The following CNTNAP2 variants were observed in gnomAD, a reference collection of about 807,000 sequenced individuals.
CNTNAP2 encodes contactin associated protein 2, also known as contactin-associated protein-like 2.
In CNTNAP2, 98 loss-of-function variants were observed where a neutral mutation model predicts 155.2. That is an observed-to-expected ratio of 0.63 (90% CI 0.54 to 0.75). The LOEUF is 0.75. Among genes scored for constraint, CNTNAP2 ranks in the 30% least tolerant of loss-of-function variants. CNTNAP2 has a pLI of 0.00. For missense variants in CNTNAP2, 1,727 were observed against 1,688.1 expected, an observed-to-expected ratio of 1.02 and a Z score of -0.40; for synonymous variants, 651 against 631.2, an observed-to-expected ratio of 1.03 and a Z score of -0.47.
intron 1 of CNTNAP2, among the ~76,000 whole-genome samples, chr7:146,184,411 G>T (rs1798594136): frequency 6.6e-6 from 1 of 152,144 alleles, no homozygotes; most frequent in Admixed American, 6.5e-5. Flanking sequence ...AAAAGATTGT[G>T]TAATCCTAAA....
chr7:146,432,228 G>A (rs1370746655), intron 1 of CNTNAP2, among the ~76,000 whole-genome samples: 3 of 152,070 alleles, frequency 2.0e-5, no homozygotes, highest in Non-Finnish European at 2.9e-5. Flanking sequence ...AAGGAATGAT[G>A]TGTTTCCTGT....
At chr7:147,788,900 C>CTTTTTTTTTTT (rs11440955) in intron 13 of CNTNAP2, among the ~76,000 whole-genome samples, 5 of 100,748 alleles carry the variant, frequency 5.0e-5, no homozygotes, top group Admixed American at 1.2e-4. Context: ...TTTTCTTTTT[C>CTTTTTTTTTTT]TTTTTTTTTT....
Position 148,161,401 on chromosome 7 carries a change from A to G in CNTNAP2, c.2774-10841A>G, listed in dbSNP as rs373435211. Reference sequence around the variant, plus strand: ...CCACCTTTGTTATTGTCTTCCTACAATGAAAAACAAAAGTTCAGGGCCTGC... The same window carrying G: ...CCACCTTTGTTATTGTCTTCCTACAGTGAAAAACAAAAGTTCAGGGCCTGC... On this transcript the variant is annotated intron_variant, in intron 17 of 23. Transcript: ENST00000361727. Among the ~76,000 whole-genome samples the G allele has an allele frequency of 3.4e-3, 516 of 152,252 alleles. 4 individuals carry two copies. Among genetic ancestry groups the G allele is most frequent in the Non-Finnish European group, 5.6e-3 (384 of 68,034 alleles).
chr7:148,072,070 C>T (rs1803391756), intron 15 of CNTNAP2, among the ~76,000 whole-genome samples: 1 of 152,182 alleles, frequency 6.6e-6, no homozygotes, highest in Non-Finnish European at 1.5e-5. Flanking sequence ...TCTCCTCCCC[C>T]TTCCACCCCA....
intron 9 of CNTNAP2, among the ~76,000 whole-genome samples, chr7:147,360,625 A>G (rs1231660694): frequency 2.6e-5 from 4 of 151,972 alleles, no homozygotes; most frequent in Admixed American, 2.6e-4. Flanking sequence ...TTTCTACCAT[A>G]AATATTTCTT....
At chr7:146,883,195 T>C (rs1290691045) in intron 3 of CNTNAP2, among the ~76,000 whole-genome samples, 1 of 152,170 alleles carries the variant, frequency 6.6e-6, no homozygotes, top group African/African-American at 2.4e-5. Flanking sequence ...TACATTGTAT[T>C]TTTCAAAATT....
intron 1 of CNTNAP2, among the ~76,000 whole-genome samples, chr7:146,423,848 A>T (rs1328576776): frequency 6.6e-6 from 1 of 152,188 alleles, no homozygotes; most frequent in Non-Finnish European, 1.5e-5. Flanking sequence ...ATATAAGAAG[A>T]TAGGCTTTAG....
chr7:148,305,462 C>G (rs1797474902), intron 21 of CNTNAP2, among the ~76,000 whole-genome samples: 1 of 152,040 alleles, frequency 6.6e-6, no homozygotes, highest in African/African-American at 2.4e-5. Flanking sequence ...CTGGATAGGC[C>G]TTGGGCATCT....
At chr7:148,177,467 G>A (rs1794959904) in intron 18 of CNTNAP2, among the ~76,000 whole-genome samples, 3 of 152,208 alleles carry the variant, frequency 2.0e-5, no homozygotes, top group Non-Finnish European at 1.5e-5. Context: ...GTAGCCCTGA[G>A]AACACCTTGC....
At chr7:146,766,895 A>G (rs190223868) in intron 1 of CNTNAP2, among the ~76,000 whole-genome samples, 73 of 152,258 alleles carry the variant, frequency 4.8e-4, no homozygotes, top group African/African-American at 1.7e-3. Context: ...GGAAAATGAA[A>G]TAAAAGAGTA....
At chr7:147,956,184 C>T (rs772687652) in intron 14 of CNTNAP2, among the ~76,000 whole-genome samples, 3 of 151,970 alleles carry the variant, frequency 2.0e-5, no homozygotes, top group Non-Finnish European at 4.4e-5. Flanking sequence ...AATTTGGTTA[C>T]TGTTCCTGTT....
chr7:147,696,598 G>A (rs540676600), intron 13 of CNTNAP2, among the ~76,000 whole-genome samples: 33 of 151,926 alleles, frequency 2.2e-4, no homozygotes, highest in African/African-American at 6.5e-4. Flanking sequence ...ATTCTTTAGC[G>A]CTCTCCCTTT....
chr7:147,376,837 C>T (rs1796442711), intron 9 of CNTNAP2, among the ~76,000 whole-genome samples: 1 of 151,974 alleles, frequency 6.6e-6, no homozygotes, highest in Non-Finnish European at 1.5e-5. Context: ...CACAGTAACA[C>T]TACTGTATAT....
At chr7:147,184,706 G>A (rs1802529028) in intron 8 of CNTNAP2, among the ~76,000 whole-genome samples, 1 of 151,990 alleles carries the variant, frequency 6.6e-6, no homozygotes, top group South Asian at 2.1e-4. Flanking sequence ...GAAGGAAAAG[G>A]GAAAAAGAGA....
intron 15 of CNTNAP2, among the ~76,000 whole-genome samples, chr7:148,005,252 C>T (rs1483873999): frequency 2.0e-5 from 3 of 152,134 alleles, no homozygotes; most frequent in African/African-American, 7.2e-5. Context: ...AACCAGAGAG[C>T]TCGTTAGGGC....
Position 146,346,468 on chromosome 7 carries a change from G to C in CNTNAP2, c.97+229495G>C, listed in dbSNP as rs181487232. Reference sequence around the variant, plus strand: ...AGGCTAAGGTGGGTGGATCATTTGAGGTCAGGAGTTCAAAATCAGCCTGAC... The same window carrying C: ...AGGCTAAGGTGGGTGGATCATTTGACGTCAGGAGTTCAAAATCAGCCTGAC... On this transcript the variant is annotated intron_variant, in intron 1 of 23. Transcript: ENST00000361727. Among the ~76,000 whole-genome samples the C allele has an allele frequency of 3.0e-3, 461 of 152,262 alleles. 3 individuals are homozygous for C. Among genetic ancestry groups the C allele is most frequent in the Non-Finnish European group, 4.3e-3 (290 of 68,016 alleles).
intron 22 of CNTNAP2, among the ~76,000 whole-genome samples, chr7:148,400,979 C>CAAA (rs59013618): frequency 9.1e-6 from 1 of 110,002 alleles, no homozygotes; most frequent in Non-Finnish European, 2.0e-5. Context: ...GACTCCGCCT[C>CAAA]AAAAAAAAAA....
chr7:146,817,040 A>G (rs766579292), intron 2 of CNTNAP2, among the ~76,000 whole-genome samples: 1 of 152,254 alleles, frequency 6.6e-6, no homozygotes, highest in Non-Finnish European at 1.5e-5. Flanking sequence ...AAAATCTCAC[A>G]GAAAATAAAT....
At chr7:148,284,024 T>C (rs1797036384) in intron 21 of CNTNAP2, among the ~76,000 whole-genome samples, 1 of 152,234 alleles carries the variant, frequency 6.6e-6, no homozygotes, top group Admixed American at 6.5e-5. Flanking sequence ...GTATGAAACA[T>C]AGCTACTGCA....
Sources: allele counts gnomAD v4.1 joint callset (sites outside exome capture counted in the v4.1 genomes callset), GRCh38; gene constraint gnomAD v4.1.1; transcripts MANE v1.5; gene names NCBI Gene and HGNC (gene_info 2026-07-23, HGNC 2026-07-21).